Variants in COL6A6 observed in about 807,000 individuals in gnomAD.
COL6A6 encodes collagen alpha-6(VI) chain.
A neutral mutation model predicts 208.6 loss-of-function variants in COL6A6; 183 were observed. The ratio of observed to expected loss-of-function variants is 0.88; its 90% CI spans 0.78 to 0.99. The LOEUF (loss-of-function observed/expected upper bound fraction) is 0.99. COL6A6 is among the 50% of genes least tolerant of loss of function. The pLI is 0.00. For missense variants in COL6A6, 2,816 were observed against 2,815.2 expected (o/e 1.00, Z -0.01); for synonymous variants, 973 against 1,011.8 (o/e 0.96, Z 0.73).
At chr3:130,526,479 T>C (rs2061964615) in intron 1 of COL6A6, among the ~76,000 whole-genome samples, 1 of 152,028 alleles carries the variant, frequency 6.6e-6, no homozygotes, top group Non-Finnish European at 1.5e-5. Context: ...TCACTAGAGA[T>C]TTTGAACATA....
At chr3:130,572,896 G>C (rs1433615290) in intron 7 of COL6A6, among the ~76,000 whole-genome samples, 1 of 152,144 alleles carries the variant, frequency 6.6e-6, no homozygotes, top group Non-Finnish European at 1.5e-5. Flanking sequence ...GGAATTCATG[G>C]AAACGATCAT....
Position 130,561,665 on chromosome 3 carries a change from A to T in COL6A6, c.64+1237A>T, listed in dbSNP as rs1266435513. ...TTTTTTTTTTTTTTTTTTTTTTTTG[A>T]GACGGAGTCTCGCTCTGTCGCCCAG... On this transcript the variant is annotated intron_variant, in intron 2 of 36. Transcript: ENST00000358511. 1.7e-4 allele frequency among the ~76,000 whole-genome samples: 10 copies of T among 57,484 alleles called. No individual in the cohort carries two copies. The East Asian group carries it at 2.1e-3, about 12-fold the overall frequency. The allele number at this position is 57,484 out of a possible 152,430, so 37.7% of individuals were successfully genotyped here.
intron 36 of COL6A6, among the ~76,000 whole-genome samples, chr3:130,667,132 A>G (rs1204148233): frequency 6.6e-6 from 1 of 152,246 alleles, no homozygotes; most frequent in Non-Finnish European, 1.5e-5. Context: ...AAACTTCTAC[A>G]GTATGTACTT....
At chr3:130,590,849 G>A (rs1285428206) in intron 12 of COL6A6, among the ~76,000 whole-genome samples, 192 bp from the exon 13 acceptor site, 2 of 151,870 alleles carry the variant, frequency 1.3e-5, no homozygotes, top group Non-Finnish European at 2.9e-5. Flanking sequence ...TTACAGGCAT[G>A]AGCCACCACA....
intron 36 of COL6A6, among the ~76,000 whole-genome samples, chr3:130,673,582 T>C (rs1319590449): frequency 1.3e-5 from 2 of 152,094 alleles, no homozygotes; most frequent in African/African-American, 2.4e-5. Context: ...GCCCTTCCCA[T>C]ATCAGTGGAG....
In COL6A6 at chr3:130,611,665, C is replaced by T. The variant is rs552457299; in HGVS notation, c.4815+954C>T. ...ACACTAGGGTAAAAGGATTCCATTA[C>T]GTGTGTACGTTAGTTGAACCAGGCA... On this transcript the variant is annotated intron_variant, in intron 23 of 36. Transcript: ENST00000358511. Among the ~76,000 whole-genome samples the T allele has an allele frequency of 1.2e-4, 19 of 152,288 alleles. No individual in the cohort carries two copies. The South Asian group carries it at 1.5e-3, about 12-fold the overall frequency.
At chr3:130,600,564 A>T (rs2063983666) in intron 20 of COL6A6, among the ~76,000 whole-genome samples, 1 of 152,186 alleles carries the variant, frequency 6.6e-6, no homozygotes, top group African/African-American at 2.4e-5. Context: ...TGTCCTTTGC[A>T]GGGATATGGA....
intron 20 of COL6A6, among the ~76,000 whole-genome samples, chr3:130,605,997 A>T (rs2064172761): frequency 6.6e-6 from 1 of 152,238 alleles, no homozygotes; most frequent in Non-Finnish European, 1.5e-5. Context: ...AACATGTGGG[A>T]ATTATGGGAG....
intron 1 of COL6A6, among the ~76,000 whole-genome samples, chr3:130,554,126 G>C (rs1431358282): frequency 6.6e-6 from 1 of 152,214 alleles, no homozygotes; most frequent in African/African-American, 2.4e-5. Context: ...AGTGGGTAGT[G>C]CTAGCCAAAG....
At chr3:130,631,346 C>G (rs1402713647) in intron 26 of COL6A6, among the ~76,000 whole-genome samples, 2 of 99,812 alleles carry the variant, frequency 2.0e-5, no homozygotes, top group Non-Finnish European at 3.4e-5. Context: ...AAGACTAAAC[C>G]AGGAAGAAGT....
chr3:130,602,870 C>G (rs1033275827), intron 20 of COL6A6, among the ~76,000 whole-genome samples: 1 of 152,000 alleles, frequency 6.6e-6, no homozygotes, highest in Non-Finnish European at 1.5e-5. Context: ...TCTCTGTATT[C>G]AAATATTTTT....
intron 1 of COL6A6, among the ~76,000 whole-genome samples, chr3:130,549,449 C>A (rs6792798): frequency 0.033 from 4,984 of 152,256 alleles, 293 homozygotes; most frequent in African/African-American, 0.11. Flanking sequence ...ATGTCTTTGT[C>A]ATGAAATCTT....
chr3:130,563,260 G>C lies in COL6A6; in HGVS notation c.257G>C (p.Gly86Ala). The change falls in exon 3 of 37, where the codon GGC becomes GCC. Residue 86 changes from glycine (G) to alanine (A), a missense_variant. Physicochemically the swap from Gly to Ala is moderately conservative, Grantham distance 60. Coordinates refer to ENST00000358511, the MANE Select transcript of COL6A6 (RefSeq NM_001102608.3). ...GAATTCCACCTGAGCACCTTCAAAG[G>C]CAGGAGCCCCATGCTGAACCACCTA... ...HSEFHLSTFKGRSPMLNHLRK... is the reference protein window; with the variant it reads ...HSEFHLSTFKARSPMLNHLRK... The C allele has an allele frequency of 6.2e-7, 1 of 1,613,992 alleles. No individual in the cohort carries two copies. The highest frequency in any genetic ancestry group is 1.6e-4 in the Middle Eastern group (1 of 6,062).
chr3:130,553,323 C>T (rs116443031), intron 1 of COL6A6, among the ~76,000 whole-genome samples: 1 of 152,188 alleles, frequency 6.6e-6, no homozygotes, highest in Non-Finnish European at 1.5e-5. Context: ...TTCCATATTT[C>T]TCTAGGGTTT....
At chr3:130,568,741 C>G (rs1040314766) in intron 6 of COL6A6, 137 bp downstream of exon 6, 8 of 854,418 alleles carry the variant, frequency 9.4e-6, no homozygotes, top group African/African-American at 3.4e-5. Flanking sequence ...TGGCTTTGAC[C>G]TGTTGAATTA....
rs76715101 is a variant in COL6A6 at position 130,570,259 on chromosome 3, C to A, written c.2402-559C>A. 5.5e-4 allele frequency among the ~76,000 whole-genome samples: 83 copies of A among 152,054 alleles called. 1 individual carries two copies. The East Asian group carries it at 0.016, about 29-fold the overall frequency. On this transcript the variant is annotated intron_variant, in intron 6 of 36. Coordinates refer to ENST00000358511, the MANE Select transcript of COL6A6 (RefSeq NM_001102608.3). The stretch of plus-strand genomic sequence containing the variant: ...GTGGGCTTATTTCTATGATGAAACC[C>A]AAAACTGAAAATAGATGTTTCAAAA...
At chr3:130,596,369 C>A (rs1260418932) in intron 18 of COL6A6, among the ~76,000 whole-genome samples, 2 of 152,134 alleles carry the variant, frequency 1.3e-5, no homozygotes, top group Non-Finnish European at 2.9e-5. Context: ...AGAATTTCTC[C>A]TAAATTGTCT....
rs772751322 is a variant in COL6A6 at position 130,661,860 on chromosome 3, C to T, written c.6054C>T (p.Pro2018=). Residue 2018 remains proline, a synonymous_variant, in exon 35 of 37, where the codon CCC becomes CCT. Transcript: ENST00000358511. ...DRVALLSHAP[P]DFLPNTQKSP... Reference sequence around the variant, plus strand: ...TGGCCCTATTGAGCCATGCTCCCCCCGACTTCCTACCCAACACTCAGAAGA... The same window carrying T: ...TGGCCCTATTGAGCCATGCTCCCCCTGACTTCCTACCCAACACTCAGAAGA... 9 of 1,613,830 alleles carry T rather than the reference C, an allele frequency of 5.6e-6. No homozygotes were observed. The Admixed American group carries it at 1.0e-4, about 18-fold the overall frequency.
intron 1 of COL6A6, among the ~76,000 whole-genome samples, chr3:130,546,318 G>A (rs546547222): frequency 6.6e-6 from 1 of 152,158 alleles, no homozygotes; most frequent in Admixed American, 6.5e-5. Flanking sequence ...TTAAGGTGGT[G>A]CGTCCGGAGT....
Sources: allele counts gnomAD v4.1 joint callset (sites outside exome capture counted in the v4.1 genomes callset), GRCh38; gene constraint gnomAD v4.1.1; transcripts MANE v1.5; gene names NCBI Gene and HGNC (gene_info 2026-07-23, HGNC 2026-07-21).